Variants in NCKAP5 observed in about 807,000 individuals in gnomAD.
NCKAP5 encodes the protein NCK associated protein 5.
NCKAP5 carries 92 observed loss-of-function variants against 167.0 expected under a neutral mutation model. The ratio of observed to expected loss-of-function variants is 0.55; its 90% CI spans 0.47 to 0.66. The LOEUF is 0.66. Ranked by LOEUF, NCKAP5 falls within the 30% of genes least tolerant of loss-of-function variation. NCKAP5 has a pLI of 0.00. For missense variants in NCKAP5, 2,378 were observed against 2,315.0 expected (o/e 1.03, Z -0.56); for synonymous variants, 891 against 877.4 (o/e 1.02, Z -0.27).
At chr2:132,885,354 G>A (rs922542229) in intron 8 of NCKAP5, among the ~76,000 whole-genome samples, 4 of 152,138 alleles carry the variant, frequency 2.6e-5, no homozygotes, top group Admixed American at 1.3e-4. Flanking sequence ...TCACAATACA[G>A]GTCTTTTTCT....
At chr2:133,167,861 C>T (rs2084065135) in intron 5 of NCKAP5, among the ~76,000 whole-genome samples, 1 of 152,102 alleles carries the variant, frequency 6.6e-6, no homozygotes, top group Non-Finnish European at 1.5e-5. Flanking sequence ...ACTACAGATT[C>T]CTGCTCCCCA....
chr2:132,987,684 T>C (rs1173646833), intron 7 of NCKAP5, among the ~76,000 whole-genome samples: 1 of 151,994 alleles, frequency 6.6e-6, no homozygotes, highest in Admixed American at 6.6e-5. Flanking sequence ...GATAAAGAGG[T>C]AGAGAGAACC....
intron 8 of NCKAP5, among the ~76,000 whole-genome samples, chr2:132,932,948 A>C (rs1236760845): frequency 7.1e-6 from 1 of 139,900 alleles, no homozygotes; most frequent in Non-Finnish European, 1.5e-5. Context: ...TTTTTGAGAC[A>C]GAATCTCGCT....
intron 6 of NCKAP5, among the ~76,000 whole-genome samples, chr2:133,032,768 G>A (rs2149429237): frequency 6.6e-6 from 1 of 152,304 alleles, no homozygotes; most frequent in Middle Eastern, 3.4e-3. Flanking sequence ...TTGACTCACA[G>A]TTCTGCAGGT....
At chr2:133,056,803 T>C (rs1006045236) in intron 6 of NCKAP5, among the ~76,000 whole-genome samples, 1 of 152,378 alleles carries the variant, frequency 6.6e-6, no homozygotes, top group Non-Finnish European at 1.5e-5. Flanking sequence ...TGAAAATTTT[T>C]GTCAATTACA....
intron 19 of NCKAP5, among the ~76,000 whole-genome samples, chr2:132,686,369 A>G (rs1248282261): frequency 6.6e-6 from 1 of 152,154 alleles, no homozygotes; most frequent in East Asian, 1.9e-4. Flanking sequence ...GAGACTCAGA[A>G]GAAGGGAAAT....
At chr2:132,747,153 A>C (rs1679716348) in intron 16 of NCKAP5, among the ~76,000 whole-genome samples, 1 of 147,836 alleles carries the variant, frequency 6.8e-6, no homozygotes, top group Non-Finnish European at 1.5e-5. Context: ...GCTTTTAAAC[A>C]TTTTATACTC....
At chr2:133,470,458 C>G (rs1679114728) in intron 3 of NCKAP5, among the ~76,000 whole-genome samples, 1 of 152,224 alleles carries the variant, frequency 6.6e-6, no homozygotes, top group Admixed American at 6.5e-5. Flanking sequence ...TTGCTGCTGT[C>G]TTTTTGTTTG....
At chr2:132,717,819 C>T (rs1352337240) in intron 19 of NCKAP5, among the ~76,000 whole-genome samples, 3 of 152,188 alleles carry the variant, frequency 2.0e-5, no homozygotes, top group African/African-American at 7.2e-5. Flanking sequence ...AGCTGAGTAT[C>T]ATCAAGCGGC....
chr2:132,716,318 C>G (rs955426026), intron 19 of NCKAP5, among the ~76,000 whole-genome samples: 2 of 152,188 alleles, frequency 1.3e-5, no homozygotes, highest in African/African-American at 4.8e-5. Context: ...GCTCCCCCAA[C>G]ATGAAGTGGA....
At chr2:133,409,605 G>A (rs748189575) in intron 3 of NCKAP5, among the ~76,000 whole-genome samples, 2 of 62,488 alleles carry the variant, frequency 3.2e-5, no homozygotes, top group Non-Finnish European at 6.1e-5. Flanking sequence ...TTACAGAGTT[G>A]AGCAGGGGCT....
chr2:133,422,302 A>G (rs1016642988), intron 3 of NCKAP5, among the ~76,000 whole-genome samples: 2 of 152,268 alleles, frequency 1.3e-5, no homozygotes, highest in African/African-American at 4.8e-5. Context: ...GATTGCTTAC[A>G]TAAATGCCAC....
intron 2 of NCKAP5, among the ~76,000 whole-genome samples, chr2:133,553,540 G>T (rs1394810758): frequency 6.6e-6 from 1 of 152,120 alleles, no homozygotes; most frequent in Non-Finnish European, 1.5e-5. Context: ...CTGAAGCAGG[G>T]CCTCTAAGGT....
intron 6 of NCKAP5, among the ~76,000 whole-genome samples, chr2:133,021,650 GA>G (rs2078532139): frequency 6.6e-6 from 1 of 152,038 alleles, no homozygotes; most frequent in African/African-American, 2.4e-5. Flanking sequence ...TGTTTTTTCA[GA>G]GACAGAGTCT....
In NCKAP5 at chr2:133,337,459, T is replaced by A. The variant is rs907405632; in HGVS notation, c.70-34349A>T. Among the ~76,000 whole-genome samples, 55 of 152,262 alleles carry A rather than the reference T, an allele frequency of 3.6e-4. 1 individual carries two copies. Among genetic ancestry groups the A allele is most frequent in the African/African-American group, 1.0e-3 (43 of 41,472 alleles). On this transcript the variant is annotated intron_variant, in intron 3 of 19. Coordinates refer to ENST00000409261, the MANE Select transcript of NCKAP5 (RefSeq NM_207363.3). ...ACATAGAAAGAATTTCCCTCATTAT[T>A]ATGGGGTAAAGTTCATACATTACCC...
chr2:132,755,632 C>G (rs1680474023), intron 16 of NCKAP5, among the ~76,000 whole-genome samples: 1 of 151,796 alleles, frequency 6.6e-6, no homozygotes, highest in Admixed American at 6.6e-5. Context: ...AGTTCAAGAC[C>G]AGCCTGACCA....
intron 11 of NCKAP5, among the ~76,000 whole-genome samples, chr2:132,828,518 T>C (rs1399943672): frequency 6.6e-6 from 1 of 152,174 alleles, no homozygotes; most frequent in East Asian, 1.9e-4. Flanking sequence ...GGAAGCTTCC[T>C]GAGGCCTCCC....
chr2:133,529,440 T>C (rs1018899097), intron 2 of NCKAP5, among the ~76,000 whole-genome samples: 7 of 152,160 alleles, frequency 4.6e-5, no homozygotes, highest in African/African-American at 1.7e-4. Context: ...CATAGTACTA[T>C]AAAACAGATT....
At chr2:132,834,301 A>G (rs527800455) in intron 11 of NCKAP5, among the ~76,000 whole-genome samples, 17 of 152,218 alleles carry the variant, frequency 1.1e-4, no homozygotes, top group African/African-American at 3.9e-4. Flanking sequence ...GGCTCAAGCA[A>G]TCCTCCTACC....
Sources: allele counts gnomAD v4.1 joint callset (sites outside exome capture counted in the v4.1 genomes callset), GRCh38; gene constraint gnomAD v4.1.1; transcripts MANE v1.5; gene names NCBI Gene and HGNC (gene_info 2026-07-23, HGNC 2026-07-21).